PDE7B: variants seen among roughly 807,000 people sequenced by gnomAD.
The protein encoded by PDE7B is 3',5'-cyclic-AMP phosphodiesterase 7B.
A neutral mutation model predicts 56.2 loss-of-function variants in PDE7B; 29 were observed. The observed-to-expected ratio is 0.52, with a 90% CI of 0.38 to 0.70. PDE7B has a LOEUF of 0.70. Among genes scored for constraint, PDE7B ranks in the 30% least tolerant of loss-of-function variants. The pLI is 0.00. For synonymous variants in PDE7B, 197 were observed against 196.9 expected (o/e 1.00, Z 0.00); for missense variants, 490 against 565.0 (o/e 0.87, Z 1.35).
intron 2 of PDE7B, among the ~76,000 whole-genome samples, chr6:136,008,790 T>A (rs2087621477): frequency 1.3e-5 from 2 of 152,156 alleles, no homozygotes; most frequent in African/African-American, 4.8e-5. Context: ...AGGTTGCCTG[T>A]TCACTCTGAT....
At chr6:136,187,617 C>G (rs1779162654) in intron 12 of PDE7B, among the ~76,000 whole-genome samples, 1 of 152,180 alleles carries the variant, frequency 6.6e-6, no homozygotes, top group South Asian at 2.1e-4. Flanking sequence ...TCCTTCAAAA[C>G]TTATTTTCAG....
At chr6:135,872,773 TAATC>T (rs1775409951) in intron 1 of PDE7B, among the ~76,000 whole-genome samples, 2 of 152,200 alleles carry the variant, frequency 1.3e-5, no homozygotes, top group African/African-American at 2.4e-5. Flanking sequence ...TCTGCCCACT[TAATC>T]AACTTTTTGA....
intron 2 of PDE7B, among the ~76,000 whole-genome samples, chr6:136,020,436 C>A (rs1776052184): frequency 6.6e-6 from 1 of 151,952 alleles, no homozygotes; most frequent in African/African-American, 2.4e-5. Context: ...TATGTTATAC[C>A]ACTTAATACA....
At chr6:136,101,212 G>T (rs1777555924) in intron 2 of PDE7B, among the ~76,000 whole-genome samples, 1 of 152,172 alleles carries the variant, frequency 6.6e-6, no homozygotes, top group Admixed American at 6.5e-5. Flanking sequence ...CAGGGATATT[G>T]GTCCAAAATT....
intron 2 of PDE7B, chr6:136,044,421 G>A (rs1403769220): frequency 6.6e-6 from 1 of 152,136 alleles, no homozygotes; most frequent in Non-Finnish European, 1.5e-5. Flanking sequence ...TCAGATGCAT[G>A]AATGAACATC....
intron 2 of PDE7B, among the ~76,000 whole-genome samples, chr6:136,001,830 G>C (rs572542556): frequency 1.3e-5 from 2 of 151,570 alleles, no homozygotes; most frequent in East Asian, 1.9e-4. Flanking sequence ...CCAACATTCA[G>C]ATTCAGGAAA....
chr6:136,119,781 G>C (rs567925398), intron 3 of PDE7B, among the ~76,000 whole-genome samples: 2 of 152,172 alleles, frequency 1.3e-5, no homozygotes, highest in Admixed American at 6.5e-5. Context: ...CCAGGGTTGG[G>C]CTCTTCTTAC....
intron 2 of PDE7B, among the ~76,000 whole-genome samples, chr6:135,981,712 C>T (rs1223532555): frequency 2.0e-5 from 3 of 151,250 alleles, no homozygotes; most frequent in African/African-American, 7.3e-5. Context: ...TATAACAATG[C>T]CTTCCTCTGG....
chr6:136,171,467 G>C (rs1218308063), intron 8 of PDE7B, among the ~76,000 whole-genome samples: 1 of 152,118 alleles, frequency 6.6e-6, no homozygotes, highest in Non-Finnish European at 1.5e-5. Flanking sequence ...AGCTACCCTG[G>C]TGGTTTGGGC....
intron 2 of PDE7B, among the ~76,000 whole-genome samples, chr6:135,962,502 T>C (rs1774920139): frequency 6.6e-6 from 1 of 152,200 alleles, no homozygotes; most frequent in Non-Finnish European, 1.5e-5. Context: ...TTTTTGTCTC[T>C]TTATATTTTC....
intron 2 of PDE7B, among the ~76,000 whole-genome samples, chr6:136,108,051 C>T (rs1777676459): frequency 1.4e-5 from 2 of 141,262 alleles, no homozygotes; most frequent in South Asian, 2.2e-4. Flanking sequence ...CGCTTGAACT[C>T]GGGAGTCAGA....
chr6:136,061,568 G>C (rs916638948), intron 2 of PDE7B, among the ~76,000 whole-genome samples: 1 of 152,150 alleles, frequency 6.6e-6, no homozygotes, highest in South Asian at 2.1e-4. Flanking sequence ...AAATTCAGAT[G>C]TAAAAATTGG....
intron 2 of PDE7B, among the ~76,000 whole-genome samples, chr6:135,991,305 G>T (rs1162421166): frequency 1.3e-5 from 2 of 152,090 alleles, no homozygotes; most frequent in Non-Finnish European, 1.5e-5. Context: ...AGTTGTTCTG[G>T]TTCAAATGCC....
At chr6:135,873,538 G>C (rs189354496) in intron 1 of PDE7B, among the ~76,000 whole-genome samples, 1 of 151,968 alleles carries the variant, frequency 6.6e-6, no homozygotes, top group African/African-American at 2.4e-5. Flanking sequence ...TATGAATTCT[G>C]GAAAATAATG....
At chr6:136,006,085 C>T (rs546204789) in intron 2 of PDE7B, among the ~76,000 whole-genome samples, 1 of 151,100 alleles carries the variant, frequency 6.6e-6, no homozygotes, top group Admixed American at 6.6e-5. Context: ...AATCATCATT[C>T]TCAGTAAACT....
intron 3 of PDE7B, among the ~76,000 whole-genome samples, chr6:136,113,227 G>A (rs1777777647): frequency 6.6e-6 from 1 of 152,170 alleles, no homozygotes; most frequent in Admixed American, 6.5e-5. Flanking sequence ...TCCACAATGT[G>A]TGTGTGTATA....
At chr6:135,855,752 C>T (rs1775014839) in intron 1 of PDE7B, among the ~76,000 whole-genome samples, 2 of 152,128 alleles carry the variant, frequency 1.3e-5, no homozygotes, top group African/African-American at 4.8e-5. Context: ...TTAGAGAGCA[C>T]TATGGGCAGC....
intron 2 of PDE7B, chr6:136,064,515 C>T (rs1218040848): frequency 6.6e-6 from 1 of 152,188 alleles, no homozygotes; most frequent in African/African-American, 2.4e-5. Flanking sequence ...GACAGTTCCT[C>T]TCCTTAAAGC....
chr6:136,065,229 A>G (rs1370349774), intron 2 of PDE7B, among the ~76,000 whole-genome samples: 1 of 152,148 alleles, frequency 6.6e-6, no homozygotes, highest in East Asian at 1.9e-4. Context: ...GTTATTAACC[A>G]TTTCTCCTAT....
Sources: gnomAD v4.1 joint callset for allele counts (sites outside exome capture counted in the v4.1 genomes callset) on GRCh38, gnomAD v4.1.1 for gene constraint, MANE v1.5 for transcripts, NCBI Gene and HGNC (gene_info 2026-07-23, HGNC 2026-07-21) for gene names.